Variants in AGAP1 observed in about 807,000 individuals in gnomAD.
The protein encoded by AGAP1 is ArfGAP with GTPase domain, ankyrin repeat and PH domain 1.
AGAP1 carries 29 observed loss-of-function variants against 105.3 expected under a neutral mutation model. The observed-to-expected ratio is 0.28, with a 90% CI of 0.21 to 0.38. The LOEUF (loss-of-function observed/expected upper bound fraction) is 0.38. Ranked by LOEUF, AGAP1 falls within the 10% of genes least tolerant of loss-of-function variation. The pLI is 1.00. For synonymous variants in AGAP1, 509 were observed against 485.9 expected, an observed-to-expected ratio of 1.05 and a Z score of -0.63; for missense variants, 998 against 1,165.1, an observed-to-expected ratio of 0.86 and a Z score of 2.09.
intron 1 of AGAP1, among the ~76,000 whole-genome samples, chr2:235,529,224 G>A (rs1942961700): frequency 6.6e-6 from 1 of 152,212 alleles, no homozygotes; most frequent in Admixed American, 6.5e-5. Context: ...GTGGAAAGTT[G>A]ATCTCAGTCC....
chr2:235,655,510 C>T lies in AGAP1; in HGVS notation c.164-53669C>T, dbSNP rs1046296254. 2.0e-5 allele frequency among the ~76,000 whole-genome samples: 3 copies of T among 152,126 alleles called. No individual in the cohort carries two copies. Among genetic ancestry groups the T allele is most frequent in the Non-Finnish European group, 4.4e-5 (3 of 68,028 alleles). On this transcript the variant is annotated intron_variant, in intron 1 of 17. Coordinates refer to ENST00000304032, the MANE Select transcript of AGAP1 (RefSeq NM_001037131.3). The surrounding 1 kb of genome is among the most constrained non-coding windows in gnomAD (Gnocchi z 4.3). ...GGCTCTCTAGTCTTACTTTTGATCC[C>T]TTTTCCTGTATTTCACCAGTATAAT...
At chr2:235,672,369 G>A (rs905753785) in intron 1 of AGAP1, among the ~76,000 whole-genome samples, 1 of 152,226 alleles carries the variant, frequency 6.6e-6, no homozygotes, top group Non-Finnish European at 1.5e-5. Flanking sequence ...GCAGTGGCAT[G>A]TGCGGTAATG....
rs990360906 is a variant in AGAP1, at chr2:236,104,751, T to C, written c.2115-15441T>C. Among the ~76,000 whole-genome samples the C allele has an allele frequency of 6.6e-6, 1 of 152,096 alleles. No homozygotes were observed. Among genetic ancestry groups the C allele is most frequent in the Admixed American group, 6.5e-5 (1 of 15,276 alleles). On this transcript the variant is annotated intron_variant, in intron 16 of 17. Coordinates refer to ENST00000304032, the MANE Select transcript of AGAP1 (RefSeq NM_001037131.3). This position sits in a 1 kb window ranked among gnomAD's most constrained non-coding sequence, Gnocchi z 4.7. ...CAAAAATACAAAAATTAGCTGGGCA[T>C]GGTGATGCGTGCCTGTAATCCCAGC...
chr2:235,818,143 CT>C (rs1958569119), intron 9 of AGAP1, among the ~76,000 whole-genome samples: 1 of 152,208 alleles, frequency 6.6e-6, no homozygotes, highest in East Asian at 1.9e-4. Context: ...TCGTGTGAGA[CT>C]TGTAATAAGA....
At chr2:236,108,173 T>C (rs2059548023) in intron 16 of AGAP1, among the ~76,000 whole-genome samples, 2 of 152,226 alleles carry the variant, frequency 1.3e-5, no homozygotes. Context: ...GGAGAAGGCA[T>C]GCATGCAAGG....
intron 1 of AGAP1, among the ~76,000 whole-genome samples, chr2:235,685,332 A>G (rs1282950865): frequency 6.6e-6 from 1 of 151,750 alleles, no homozygotes; most frequent in African/African-American, 2.4e-5. Context: ...AGGGGCTCTC[A>G]GGGCTCAGTT....
At position 235,737,387 on chromosome 2, in the gene AGAP1, T is replaced by G. The variant is rs1246681111; in HGVS notation, c.311-3576T>G. Among the ~76,000 whole-genome samples the G allele has an allele frequency of 1.3e-5, 2 of 152,182 alleles. No individual in the cohort carries two copies. Among genetic ancestry groups the G allele is most frequent in the African/African-American group, 4.8e-5 (2 of 41,452 alleles). On this transcript the variant is annotated intron_variant, in intron 3 of 17. Transcript: ENST00000304032. This position sits in a 1 kb window ranked among gnomAD's most constrained non-coding sequence, Gnocchi z 4.5. ...CTGCCGGGGGAATGTAAACTGACTT[T>G]AGGATTCGAAGAGACCTTGCTGATG...
intron 12 of AGAP1, among the ~76,000 whole-genome samples, chr2:235,942,767 A>G (rs2053321936): frequency 1.3e-5 from 2 of 152,026 alleles, no homozygotes; most frequent in Admixed American, 1.3e-4. Flanking sequence ...TTTAGTCCCC[A>G]TGTTTGCAGC....
In AGAP1 at chr2:235,582,055, G is replaced by A. The variant is rs961847820; in HGVS notation, c.163+87206G>A. On this transcript the variant is annotated intron_variant, in intron 1 of 17. Coordinates refer to ENST00000304032, the MANE Select transcript of AGAP1 (RefSeq NM_001037131.3). The surrounding 1 kb of genome is among the most constrained non-coding windows in gnomAD (Gnocchi z 4.7). Reference sequence around the variant, plus strand: ...ACGCAGTCTTTAGGAGACATGAAATGTTCCTTCCATCCAGGGAAGACGTGA... The same window carrying A: ...ACGCAGTCTTTAGGAGACATGAAATATTCCTTCCATCCAGGGAAGACGTGA... Among the ~76,000 whole-genome samples the A allele has an allele frequency of 6.6e-6, 1 of 152,178 alleles. No homozygotes were observed. The highest frequency in any genetic ancestry group is 1.9e-4 in the East Asian group (1 of 5,190).
At chr2:236,016,238 A>C (rs2056697979) in intron 13 of AGAP1, among the ~76,000 whole-genome samples, 1 of 152,228 alleles carries the variant, frequency 6.6e-6, no homozygotes, top group African/African-American at 2.4e-5. Flanking sequence ...AAAGAATAGA[A>C]GTTAAGAAAC....
In AGAP1 at chr2:235,831,885, C is replaced by A. The variant is rs1959454832; in HGVS notation, c.1050+24554C>A. ...TGTTTTCAGTTTTGCAGGAAACTGC[C>A]AAACAGTCTTCCAGAGTAGCTGTAC... On this transcript the variant is annotated intron_variant, in intron 9 of 17. Transcript: ENST00000304032. Among the ~76,000 whole-genome samples, 5 of 152,192 alleles carry A rather than the reference C, an allele frequency of 3.3e-5. No individual in the cohort carries two copies. In the South Asian group the frequency reaches 1.0e-3, roughly 32 times the overall value.
rs62189399 is a variant in AGAP1, at chr2:235,964,103, C to T, written c.1484-4359C>T. On this transcript the variant is annotated intron_variant, in intron 12 of 17. Transcript: ENST00000304032. This position sits in a 1 kb window ranked among gnomAD's most constrained non-coding sequence, Gnocchi z 4.6. ...GATTGAGATAAGCGACTGGCAGCCTCGTGCAGAAGGTCCTAACTGTGGGCT... is the reference window on the plus strand; with the variant it reads ...GATTGAGATAAGCGACTGGCAGCCTTGTGCAGAAGGTCCTAACTGTGGGCT... Among the ~76,000 whole-genome samples, 4,640 of 152,136 alleles carry T rather than the reference C, an allele frequency of 0.03. 99 individuals are homozygous for T. The highest frequency in any genetic ancestry group is 0.047 in the Non-Finnish European group (3,220 of 67,992).
In AGAP1 at chr2:235,633,627, T is replaced by A. The variant is rs1226119605; in HGVS notation, c.164-75552T>A. Among the ~76,000 whole-genome samples the A allele has an allele frequency of 6.6e-6, 1 of 152,000 alleles. No homozygotes were observed. Among genetic ancestry groups the A allele is most frequent in the Non-Finnish European group, 1.5e-5 (1 of 68,004 alleles). ...AAGAGCTTGAGTGAATTGTCATAGATGGAGTGGGGAGACCTACAAGGCCTG... is the reference window on the plus strand; with the variant it reads ...AAGAGCTTGAGTGAATTGTCATAGAAGGAGTGGGGAGACCTACAAGGCCTG... On this transcript the variant is annotated intron_variant, in intron 1 of 17. Coordinates refer to ENST00000304032, the MANE Select transcript of AGAP1 (RefSeq NM_001037131.3). This position sits in a 1 kb window ranked among gnomAD's most constrained non-coding sequence, Gnocchi z 4.8.
At chr2:235,524,026 C>T (rs1352788810) in intron 1 of AGAP1, among the ~76,000 whole-genome samples, 3 of 152,198 alleles carry the variant, frequency 2.0e-5, no homozygotes, top group Non-Finnish European at 2.9e-5. Flanking sequence ...GGATTGTGCC[C>T]GGCTTCCCCA....
Position 235,566,881 on chromosome 2 carries a change from C to A in AGAP1, c.163+72032C>A, listed in dbSNP as rs191753711. Among the ~76,000 whole-genome samples, 6 of 152,310 alleles carry A rather than the reference C, an allele frequency of 3.9e-5. No individual in the cohort carries two copies. The highest frequency in any genetic ancestry group is 3.3e-4 in the Admixed American group (5 of 15,300). ...CTGAAGCCCAGGATCAAGGTGTGCC[C>A]AGAGCTGTGCTCCCTCCAGAGGATA... On this transcript the variant is annotated intron_variant, in intron 1 of 17. Coordinates refer to ENST00000304032, the MANE Select transcript of AGAP1 (RefSeq NM_001037131.3). The surrounding 1 kb of genome is among the most constrained non-coding windows in gnomAD (Gnocchi z 5.2).
intron 9 of AGAP1, among the ~76,000 whole-genome samples, chr2:235,857,131 G>A (rs1429194577): frequency 2.0e-5 from 3 of 152,110 alleles, no homozygotes; most frequent in South Asian, 2.1e-4. Flanking sequence ...GTTAGGAACC[G>A]GGCCACACAG....
intron 15 of AGAP1, among the ~76,000 whole-genome samples, chr2:236,041,387 GT>G (rs1301110606): frequency 7.0e-6 from 1 of 143,466 alleles, no homozygotes; most frequent in African/African-American, 2.6e-5. Flanking sequence ...ATGATGTCTT[GT>G]TTTTTTTTGG....
intron 6 of AGAP1, among the ~76,000 whole-genome samples, chr2:235,782,819 C>T (rs922889881): frequency 2.6e-5 from 4 of 152,132 alleles, no homozygotes; most frequent in Admixed American, 2.0e-4. Context: ...GTATTGCATG[C>T]CTAATTTTCA....
intron 6 of AGAP1, among the ~76,000 whole-genome samples, chr2:235,784,588 C>T (rs753204684): frequency 0.028 from 2,949 of 104,994 alleles, 58 homozygotes; most frequent in South Asian, 0.045. Flanking sequence ...AACTTAATTT[C>T]TTATTAAAGC....
Sources: allele counts gnomAD v4.1 joint callset (sites outside exome capture counted in the v4.1 genomes callset), GRCh38; gene constraint gnomAD v4.1.1; non-coding constraint Gnocchi (gnomAD v3.1); transcripts MANE v1.5; gene names NCBI Gene and HGNC (gene_info 2026-07-23, HGNC 2026-07-21).